The following PCDH15 variants were observed in gnomAD, a reference collection of about 807,000 sequenced individuals.
PCDH15 encodes protocadherin related 15.
In PCDH15, 129 loss-of-function variants were observed where a neutral mutation model predicts 178.5. The ratio of observed to expected loss-of-function variants is 0.72; its 90% confidence interval spans 0.63 to 0.84. The LOEUF (loss-of-function observed/expected upper bound fraction) is 0.84. Ranked by LOEUF, PCDH15 falls within the 40% of genes least tolerant of loss-of-function variation. The pLI, the probability that PCDH15 is intolerant of heterozygous loss-of-function variation, is 0.00. For missense variants in PCDH15, 2,230 were observed against 2,099.9 expected (o/e 1.06, Z -1.21); for synonymous variants, 800 against 732.0 (o/e 1.09, Z -1.50).
intron 27 of PCDH15, among the ~76,000 whole-genome samples, chr10:53,864,302 C>T (rs146131885): frequency 5.1e-4 from 77 of 152,180 alleles, no homozygotes; most frequent in Non-Finnish European, 8.5e-4. Flanking sequence ...GGGCAGGGAA[C>T]ATAAACCAAT....
rs140949131 is a variant in PCDH15 at position 53,948,091 on chromosome 10, T to C, written c.3123-7116A>G. ...TGACTTTCGGTTTTTTACTTTACTA[T>C]GGGTATGAAAGTAATATACATTCAG... On this transcript the variant is annotated intron_variant, in intron 23 of 37. Coordinates refer to ENST00000644397, the MANE Select transcript of PCDH15 (RefSeq NM_001384140.1). Among the ~76,000 whole-genome samples, 62 of 152,278 alleles carry C rather than the reference T, an allele frequency of 4.1e-4. No homozygotes were observed. In the East Asian group the frequency reaches 0.011, roughly 26 times the overall value.
intron 2 of PCDH15, among the ~76,000 whole-genome samples, chr10:55,488,536 A>G (rs1840348193): frequency 6.6e-6 from 1 of 151,576 alleles, no homozygotes; most frequent in African/African-American, 2.4e-5. Context: ...AATAAATATC[A>G]GATAGTTCAT....
chr10:55,312,187 C>T (rs148722885), intron 1 of PCDH15, among the ~76,000 whole-genome samples: 4 of 152,016 alleles, frequency 2.6e-5, no homozygotes, highest in African/African-American at 9.6e-5. Flanking sequence ...CGTGTCATAT[C>T]AAGAAAAAAG....
intron 1 of PCDH15, among the ~76,000 whole-genome samples, chr10:54,783,732 C>G (rs970604614): frequency 2.0e-5 from 3 of 152,042 alleles, no homozygotes; most frequent in Non-Finnish European, 4.4e-5. Context: ...ATTATGGATA[C>G]TGGAGTCTCC....
At chr10:55,060,315 T>C (rs1591867999) in intron 2 of PCDH15, among the ~76,000 whole-genome samples, 1 of 152,084 alleles carries the variant, frequency 6.6e-6, no homozygotes, top group East Asian at 1.9e-4. Flanking sequence ...AATGGCATTT[T>C]TCCTAAATTG....
chr10:55,062,160 G>A (rs2132000500), intron 2 of PCDH15, among the ~76,000 whole-genome samples: 2 of 152,330 alleles, frequency 1.3e-5, no homozygotes, highest in East Asian at 3.9e-4. Context: ...AAAAGGTGGG[G>A]TTTTGGGAAG....
chr10:55,525,121 C>G (rs1310684886), intron 2 of PCDH15, among the ~76,000 whole-genome samples: 1 of 151,670 alleles, frequency 6.6e-6, no homozygotes, highest in Admixed American at 6.6e-5. Flanking sequence ...TCACGGAACT[C>G]TGAAATGTAG....
intron 15 of PCDH15, among the ~76,000 whole-genome samples, chr10:54,124,865 C>G (rs1375360394): frequency 3.9e-5 from 6 of 152,156 alleles, no homozygotes; most frequent in African/African-American, 1.4e-4. Flanking sequence ...AAATCAATAC[C>G]TCTGACAGGA....
In PCDH15 at chr10:54,161,243, A is replaced by G. The variant is rs183246264; in HGVS notation, c.1591-7950T>C. On this transcript the variant is annotated intron_variant, in intron 13 of 37. Coordinates refer to ENST00000644397, the MANE Select transcript of PCDH15 (RefSeq NM_001384140.1). ...GATATATAGCATTGATTCATGCCAC[A>G]GCATAGATGAGCTACATAAACATTA... 2.0e-5 allele frequency among the ~76,000 whole-genome samples: 3 copies of G among 152,312 alleles called. No individual in the cohort carries two copies. The East Asian group carries it at 5.8e-4, about 29-fold the overall frequency.
At chr10:55,313,555 C>T (rs1266564837) in intron 1 of PCDH15, among the ~76,000 whole-genome samples, 1 of 152,096 alleles carries the variant, frequency 6.6e-6, no homozygotes, top group Non-Finnish European at 1.5e-5. Flanking sequence ...TGACCCATTG[C>T]TTGCTAGTGC....
At chr10:54,721,889 TA>T (rs1941674933) in intron 1 of PCDH15, among the ~76,000 whole-genome samples, 1 of 151,776 alleles carries the variant, frequency 6.6e-6, no homozygotes, top group Non-Finnish European at 1.5e-5. Context: ...ATCATCTTGA[TA>T]ACAAAATCGA....
intron 14 of PCDH15, among the ~76,000 whole-genome samples, chr10:54,142,358 A>G (rs2043490370): frequency 6.6e-6 from 1 of 152,182 alleles, no homozygotes; most frequent in Non-Finnish European, 1.5e-5. Context: ...GATACCAGTC[A>G]AAGCCTCATC....
chr10:55,441,495 T>G (rs1565143209), intron 2 of PCDH15, among the ~76,000 whole-genome samples: 1 of 152,092 alleles, frequency 6.6e-6, no homozygotes, highest in Non-Finnish European at 1.5e-5. Flanking sequence ...TAAGAAAATA[T>G]ATTTCATAAA....
chr10:55,391,109 C>G (rs1476796801), intron 2 of PCDH15, among the ~76,000 whole-genome samples: 1 of 152,122 alleles, frequency 6.6e-6, no homozygotes, highest in Non-Finnish European at 1.5e-5. Context: ...AATACAAGAC[C>G]GTTTTGTCTA....
In PCDH15 at chr10:53,809,329, A is replaced by C; in HGVS notation, c.4671+1227T>G. On this transcript the variant is annotated intron_variant, in intron 37 of 37. Coordinates refer to ENST00000644397, the MANE Select transcript of PCDH15 (RefSeq NM_001384140.1). The stretch of plus-strand genomic sequence containing the variant: ...CAAATAATCTTTATCTTCTTCCTCA[A>C]GGCGTCTCTGCCACTCTTCACCCTC... 1 of 1,613,164 alleles carries C rather than the reference A, an allele frequency of 6.2e-7. No homozygotes were observed. The highest frequency in any genetic ancestry group is 8.5e-7 in the Non-Finnish European group (1 of 1,179,164).
chr10:54,503,225 A>C (rs9794198), intron 3 of PCDH15, among the ~76,000 whole-genome samples: 1 of 83,762 alleles, frequency 1.2e-5, no homozygotes, highest in Admixed American at 1.5e-4. Flanking sequence ...ATACATATAT[A>C]TGTGTGTGTG....
intron 2 of PCDH15, among the ~76,000 whole-genome samples, chr10:54,565,905 A>G (rs2088958045): frequency 6.6e-6 from 1 of 151,930 alleles, no homozygotes; most frequent in African/African-American, 2.4e-5. Flanking sequence ...ACCAACCTGG[A>G]GAAACCCCAT....
chr10:54,940,351 T>C (rs1173933577), intron 2 of PCDH15, among the ~76,000 whole-genome samples: 1 of 152,152 alleles, frequency 6.6e-6, no homozygotes, highest in Non-Finnish European at 1.5e-5. Flanking sequence ...TCAGTTTTGC[T>C]CTGTTGTTCG....
intron 2 of PCDH15, among the ~76,000 whole-genome samples, chr10:54,617,671 C>A (rs964529790): frequency 5.3e-5 from 8 of 150,548 alleles, no homozygotes; most frequent in Non-Finnish European, 4.4e-5. Flanking sequence ...GTGGCTCATG[C>A]CTGTAATTCG....
Sources: allele counts gnomAD v4.1 joint callset (sites outside exome capture counted in the v4.1 genomes callset), GRCh38; gene constraint gnomAD v4.1.1; transcripts MANE v1.5; gene names NCBI Gene and HGNC (gene_info 2026-07-23, HGNC 2026-07-21).